Variants in SLIT3 observed in about 807,000 individuals in gnomAD.
SLIT3 encodes the protein slit homolog 3 protein.
In SLIT3, 68 loss-of-function variants were observed where a neutral mutation model predicts 184.0. That is an observed-to-expected ratio of 0.37 (90% CI 0.30 to 0.45). The LOEUF (loss-of-function observed/expected upper bound fraction) is 0.45, where lower values mean the gene tolerates loss of function less well. Ranked by LOEUF, SLIT3 falls within the 20% of genes least tolerant of loss-of-function variation. SLIT3 has a pLI of 1.00. For synonymous variants in SLIT3, 831 were observed against 828.6 expected (o/e 1.00, Z -0.05); for missense variants, 1,707 against 2,026.0 (o/e 0.84, Z 3.02).
rs187616977 is a variant in SLIT3 at position 169,199,027 on chromosome 5, C to T, written c.342-5477G>A. Among the ~76,000 whole-genome samples the T allele has an allele frequency of 2.8e-4, 42 of 151,844 alleles. 1 individual carries two copies. In the East Asian group the frequency reaches 3.9e-3, roughly 14 times the overall value. On this transcript the variant is annotated intron_variant, in intron 3 of 35. Coordinates refer to ENST00000519560, the MANE Select transcript of SLIT3 (RefSeq NM_003062.4). The stretch of plus-strand genomic sequence containing the variant: ...ATATAAATACACACACACACACACA[C>T]ACATACATACATATACACATGTCTC...
At chr5:168,773,981 G>A (rs1467093230) in intron 13 of SLIT3, among the ~76,000 whole-genome samples, 1 of 152,214 alleles carries the variant, frequency 6.6e-6, no homozygotes, top group East Asian at 1.9e-4. Flanking sequence ...AGAAGAGATA[G>A]TAACAGCACC....
chr5:169,187,888 T>C (rs1236348150), intron 4 of SLIT3, among the ~76,000 whole-genome samples: 2 of 149,382 alleles, frequency 1.3e-5, no homozygotes, highest in African/African-American at 4.9e-5. Context: ...AAAAAAGTTG[T>C]GAACCCATGT....
Position 169,150,516 on chromosome 5 carries a change from T to TACACACACAC in SLIT3, c.413+42953_413+42962dup, listed in dbSNP as rs58010997. Among the ~76,000 whole-genome samples the TACACACACAC allele has an allele frequency of 4.1e-4, 60 of 145,444 alleles. 1 individual carries two copies. Among genetic ancestry groups the TACACACACAC allele is most frequent in the East Asian group, 1.2e-3 (6 of 4,932 alleles). On this transcript the variant is annotated intron_variant, in intron 4 of 35. Transcript: ENST00000519560. ...CCCATCCCATTCTATTTCACTCACA[T>TACACACACAC]ACACACACACACACACACACACACA... is the stretch of plus-strand genomic sequence containing the variant.
chr5:169,065,527 A>G (rs1169523624), intron 4 of SLIT3, among the ~76,000 whole-genome samples: 1 of 152,128 alleles, frequency 6.6e-6, no homozygotes, highest in Admixed American at 6.5e-5. Context: ...TGGGGAATGA[A>G]TGGGAGGAGC....
chr5:168,995,167 T>C (rs1755471080), intron 4 of SLIT3, among the ~76,000 whole-genome samples: 1 of 151,884 alleles, frequency 6.6e-6, no homozygotes, highest in Non-Finnish European at 1.5e-5. Context: ...AGCACGCATA[T>C]TGCACCTTCA....
chr5:169,175,446 T>C (rs1474316164), intron 4 of SLIT3, among the ~76,000 whole-genome samples: 1 of 152,136 alleles, frequency 6.6e-6, no homozygotes, highest in Non-Finnish European at 1.5e-5. Flanking sequence ...TTGAGCAAAT[T>C]ATTTATCATC....
intron 22 of SLIT3, among the ~76,000 whole-genome samples, 198 bp downstream of exon 22, chr5:168,722,735 C>T (rs1326744191): frequency 6.6e-6 from 1 of 152,192 alleles, no homozygotes; most frequent in Non-Finnish European, 1.5e-5. Flanking sequence ...GGTTCTAGTT[C>T]CTCTCTAACT....
At chr5:168,941,708 A>AT (rs1762338654) in intron 4 of SLIT3, among the ~76,000 whole-genome samples, 1 of 152,190 alleles carries the variant, frequency 6.6e-6, no homozygotes, top group Non-Finnish European at 1.5e-5. Flanking sequence ...AGGCTCATCG[A>AT]AAGGGTGCAG....
chr5:169,254,541 T>C (rs1765886671), intron 1 of SLIT3, among the ~76,000 whole-genome samples: 2 of 152,140 alleles, frequency 1.3e-5, no homozygotes, highest in South Asian at 4.1e-4. Context: ...CAATTTCCCT[T>C]GAACTTGAGC....
intron 7 of SLIT3, 67 bp from the exon 8 acceptor site, chr5:168,817,530 A>C: frequency 6.6e-7 from 1 of 1,522,768 alleles, no homozygotes; most frequent in Non-Finnish European, 9.1e-7. Flanking sequence ...CACTGGCCAG[A>C]CAGAGTGACC....
At chr5:169,080,376 T>C (rs948712807) in intron 4 of SLIT3, among the ~76,000 whole-genome samples, 2 of 152,182 alleles carry the variant, frequency 1.3e-5, no homozygotes, top group Non-Finnish European at 2.9e-5. Flanking sequence ...GACTTTTGCA[T>C]AGATCTCATT....
At chr5:168,823,149 G>A (rs909021533) in intron 7 of SLIT3, 111 bp downstream of exon 7, 33 of 885,690 alleles carry the variant, frequency 3.7e-5, no homozygotes, top group Middle Eastern at 2.2e-4. Flanking sequence ...TTTGAATGTC[G>A]GAACCATCTG....
intron 12 of SLIT3, among the ~76,000 whole-genome samples, chr5:168,781,153 T>C (rs1283498414): frequency 6.6e-6 from 1 of 152,138 alleles, no homozygotes; most frequent in Non-Finnish European, 1.5e-5. Context: ...AAACAAGACC[T>C]CTTTCTACCC....
At chr5:169,080,423 A>G (rs1013293631) in intron 4 of SLIT3, among the ~76,000 whole-genome samples, 4 of 152,162 alleles carry the variant, frequency 2.6e-5, no homozygotes, top group Admixed American at 6.5e-5. Flanking sequence ...GGTGGGTACT[A>G]TGATCTCCTC....
chr5:168,867,582 G>A (rs1488686094), intron 5 of SLIT3, among the ~76,000 whole-genome samples: 1 of 152,212 alleles, frequency 6.6e-6, no homozygotes, highest in African/African-American at 2.4e-5. Context: ...TGTAGGCAGA[G>A]TGCTCAGCCT....
intron 3 of SLIT3, among the ~76,000 whole-genome samples, chr5:169,232,533 T>C (rs569260140): frequency 6.6e-5 from 10 of 152,296 alleles, no homozygotes; most frequent in Non-Finnish European, 8.8e-5. Context: ...CCAAAAAATA[T>C]TGTTATTTTC....
At chr5:168,982,899 G>C (rs1276345262) in intron 4 of SLIT3, among the ~76,000 whole-genome samples, 1 of 152,146 alleles carries the variant, frequency 6.6e-6, no homozygotes, top group Non-Finnish European at 1.5e-5. Flanking sequence ...ATTTTATGCC[G>C]AGGGACTCCT....
intron 1 of SLIT3, among the ~76,000 whole-genome samples, chr5:169,265,121 C>T (rs1766347354): frequency 6.6e-6 from 1 of 152,004 alleles, no homozygotes; most frequent in Admixed American, 6.5e-5. Context: ...GGAGGACTCC[C>T]TGCCCCTGTT....
At chr5:168,930,250 TG>T (rs2113158961) in intron 4 of SLIT3, among the ~76,000 whole-genome samples, 1 of 152,256 alleles carries the variant, frequency 6.6e-6, no homozygotes, top group South Asian at 2.1e-4. Flanking sequence ...AAAATTTGGC[TG>T]GAAAGTGGGG....
Sources: allele counts gnomAD v4.1 joint callset (sites outside exome capture counted in the v4.1 genomes callset), GRCh38; gene constraint gnomAD v4.1.1; transcripts MANE v1.5; gene names NCBI Gene and HGNC (gene_info 2026-07-23, HGNC 2026-07-21).